The following CDHR3 variants were observed in gnomAD, a reference collection of about 807,000 sequenced individuals.
The protein encoded by CDHR3 is cadherin-related family member 3.
A neutral mutation model predicts 86.6 loss-of-function variants in CDHR3; 79 were observed. The ratio of observed to expected loss-of-function variants is 0.91; its 90% CI spans 0.76 to 1.10. The LOEUF (loss-of-function observed/expected upper bound fraction) is 1.10. Ranked by LOEUF, CDHR3 falls within the 50% of genes least tolerant of loss-of-function variation. The pLI is 0.00. For synonymous variants in CDHR3, 421 were observed against 402.4 expected (o/e 1.05, Z -0.55); for missense variants, 1,081 against 1,077.6 (o/e 1.00, Z -0.04).
chr7:106,002,469 G>A (rs1170738761), intron 7 of CDHR3, among the ~76,000 whole-genome samples: 3 of 152,206 alleles, frequency 2.0e-5, no homozygotes, highest in African/African-American at 7.2e-5. Flanking sequence ...TTCCAGAATA[G>A]GATGTTCCTT....
chr7:105,989,759 T>C (rs1010694202), intron 4 of CDHR3, among the ~76,000 whole-genome samples: 2 of 152,118 alleles, frequency 1.3e-5, no homozygotes, highest in Admixed American at 1.3e-4. Flanking sequence ...GTCAGGTAAC[T>C]CCAGTGAGAA....
intron 4 of CDHR3, among the ~76,000 whole-genome samples, chr7:105,990,050 T>C (rs1376412762): frequency 6.6e-6 from 1 of 152,142 alleles, no homozygotes; most frequent in Admixed American, 6.5e-5. Flanking sequence ...TCCAAATATG[T>C]GGTCACTGCT....
chr7:105,978,781 C>A (rs1267852937), intron 2 of CDHR3, among the ~76,000 whole-genome samples: 1 of 152,096 alleles, frequency 6.6e-6, no homozygotes, highest in East Asian at 1.9e-4. Context: ...TTCCAAGATA[C>A]AACATTTTTG....
rs945752565 is a variant in CDHR3, at chr7:106,024,630, A to C, written c.2258+68A>C. 9 of 1,486,736 alleles carry C rather than the reference A, an allele frequency of 6.1e-6. No homozygotes were observed. The African/African-American group carries it at 8.4e-5, about 14-fold the overall frequency. 92.1% of individuals were successfully genotyped at this position (1,486,736 alleles called of 1,614,324 possible). A position where few individuals can be genotyped will look rare whatever the true frequency, so the allele number is the denominator to read the frequency against. On this transcript the variant is annotated intron_variant, in intron 15 of 18. Coordinates refer to ENST00000317716, the MANE Select transcript of CDHR3 (RefSeq NM_152750.5). ...GGACACTGTTTCTGGTGACATCAGG[A>C]GAAGGAAAAATGGAGAATCAGGATT...
rs909118091 is a variant in CDHR3, at chr7:105,986,142, T to A, written c.513+1853T>A. Among the ~76,000 whole-genome samples, 25 of 152,308 alleles carry A rather than the reference T, an allele frequency of 1.6e-4. No individual in the cohort carries two copies. In the Middle Eastern group the frequency reaches 0.014, roughly 83 times the overall value. ...GGCAGGCCCAATCTGTCCCTTTTTT[T>A]ATCAGGAAAACAAAAACTCTCTTGG... On this transcript the variant is annotated intron_variant, in intron 4 of 18. Transcript: ENST00000317716.
intron 7 of CDHR3, among the ~76,000 whole-genome samples, chr7:106,002,108 C>T (rs1303883735): frequency 1.3e-5 from 2 of 151,560 alleles, no homozygotes; most frequent in Non-Finnish European, 2.9e-5. Context: ...GGGGGTTGGG[C>T]AAACTAAACA....
rs138981429 is a variant in CDHR3 at position 105,976,891 on chromosome 7, G to A, written c.249+1845G>A. Reference sequence around the variant, plus strand: ...CTCCACGTGGGAGTTCTCATCCTTAGCATTTATGGTCTACAGCATTTAGTG... The same window carrying A: ...CTCCACGTGGGAGTTCTCATCCTTAACATTTATGGTCTACAGCATTTAGTG... On this transcript the variant is annotated intron_variant, in intron 2 of 18. Coordinates refer to ENST00000317716, the MANE Select transcript of CDHR3 (RefSeq NM_152750.5). 1.6e-4 allele frequency among the ~76,000 whole-genome samples: 25 copies of A among 152,006 alleles called. No homozygotes were observed. In the East Asian group the frequency reaches 4.1e-3, roughly 25 times the overall value.
At chr7:106,011,749 G>A (rs1325228836) in intron 8 of CDHR3, among the ~76,000 whole-genome samples, 2 of 152,216 alleles carry the variant, frequency 1.3e-5, no homozygotes. Flanking sequence ...AAGTCTCAAG[G>A]TGTTCATTGG....
intron 9 of CDHR3, among the ~76,000 whole-genome samples, chr7:106,014,851 C>A (rs1257549466): frequency 2.6e-5 from 4 of 152,144 alleles, no homozygotes; most frequent in African/African-American, 9.7e-5. Flanking sequence ...AGTTGTGATC[C>A]TGTGCTGTTG....
At chr7:105,980,393 A>G (rs961762364) in intron 2 of CDHR3, among the ~76,000 whole-genome samples, 4 of 151,476 alleles carry the variant, frequency 2.6e-5, no homozygotes, top group African/African-American at 7.2e-5. Flanking sequence ...ATGTGCATGT[A>G]TACAAGTTAT....
rs1833694786 is a variant in CDHR3, at chr7:106,004,705, G to T, written c.1052+18G>T. 6.2e-7 allele frequency: 1 copy of T among 1,613,462 alleles called. No individual in the cohort carries two copies. The highest frequency in any genetic ancestry group is 1.1e-5 in the South Asian group (1 of 91,014). On this transcript the variant is annotated intron_variant, in intron 8 of 18. Transcript: ENST00000317716. Reference sequence around the variant, plus strand: ...ACCTTCAGGTATGCACACTTTGAAAGTTGGGCTGGACATTCTATCTCTTTG... The same window carrying T: ...ACCTTCAGGTATGCACACTTTGAAATTTGGGCTGGACATTCTATCTCTTTG...
rs1377719123 is a variant in CDHR3 at position 106,028,922 on chromosome 7, T to TTCTTTCTTTCTTTC, written c.2304+342_2304+355dup. Among the ~76,000 whole-genome samples the TTCTTTCTTTCTTTC allele has an allele frequency of 5.3e-4, 45 of 84,770 alleles. 1 individual carries two copies. Among genetic ancestry groups the TTCTTTCTTTCTTTC allele is most frequent in the South Asian group, 2.7e-3 (6 of 2,228 alleles). The allele number at this position is 84,770 out of a possible 152,430, so 55.6% of individuals were successfully genotyped here. On this transcript the variant is annotated intron_variant, in intron 17 of 18. Transcript: ENST00000317716. ...GCCTCCAGTGAGATTTAAATTTTCT[T>TTCTTTCTTTCTTTC]TCTTTCTTTCTTTCTTTCTTTCTTT...
chr7:105,996,701 G>T (rs1211225098), intron 6 of CDHR3, among the ~76,000 whole-genome samples: 1 of 152,280 alleles, frequency 6.6e-6, no homozygotes, highest in East Asian at 1.9e-4. Flanking sequence ...CAGAGTCCCA[G>T]AGCATGCATC....
intron 15 of CDHR3, among the ~76,000 whole-genome samples, chr7:106,025,877 A>T (rs919068208): frequency 1.4e-4 from 22 of 152,032 alleles, no homozygotes; most frequent in South Asian, 8.3e-4. Flanking sequence ...GATTTTTTTA[A>T]AAAAAAACAG....
In CDHR3 at chr7:106,035,713, C is replaced by T. The variant is rs1263235625; in HGVS notation, c.*3016C>T. ...GGACCACAATTGGTCTGATTGGTTG[C>T]AGGAAGCAACCAATCAGAGACTGAA... On this transcript the variant is annotated 3_prime_UTR_variant, in exon 19 of 19. Transcript: ENST00000317716. 2.0e-5 allele frequency: 3 copies of T among 152,092 alleles called. No homozygotes were observed. The highest frequency in any genetic ancestry group is 7.2e-5 in the African/African-American group (3 of 41,404). The allele number at this position is 152,092 out of a possible 1,614,324, so 9.4% of individuals were successfully genotyped here.
chr7:105,965,847 A>T (rs1310917841), intron 1 of CDHR3, among the ~76,000 whole-genome samples: 1 of 152,202 alleles, frequency 6.6e-6, no homozygotes, highest in Admixed American at 6.5e-5. Flanking sequence ...TATATAGAGG[A>T]TATCCAATAC....
At chr7:105,980,568 C>T (rs1323739950) in intron 2 of CDHR3, among the ~76,000 whole-genome samples, 1 of 139,718 alleles carries the variant, frequency 7.2e-6, no homozygotes, top group Non-Finnish European at 1.5e-5. Context: ...TAGGAGCCTA[C>T]CCCCAAGTAG....
intron 18 of CDHR3, among the ~76,000 whole-genome samples, chr7:106,031,766 G>A (rs1467665602): frequency 6.6e-6 from 1 of 151,836 alleles, no homozygotes; most frequent in Non-Finnish European, 1.5e-5. Context: ...GCAAAAGGGG[G>A]GATTTTTGTG....
At chr7:106,018,132 G>GGGGGT in intron 12 of CDHR3, 60 bp downstream of exon 12, 1 of 1,383,902 alleles carries the variant, frequency 7.2e-7, no homozygotes, top group Non-Finnish European at 1.0e-6. Flanking sequence ...GGGTCTCTCT[G>GGGGGT]GCACCCCCAG....
Sources: allele counts gnomAD v4.1 joint callset (sites outside exome capture counted in the v4.1 genomes callset), GRCh38; gene constraint gnomAD v4.1.1; transcripts MANE v1.5; gene names NCBI Gene and HGNC (gene_info 2026-07-23, HGNC 2026-07-21).